The following FIGN variants were observed in gnomAD, a reference collection of about 807,000 sequenced individuals.
FIGN encodes fidgetin, microtubule severing factor.
FIGN carries 11 observed loss-of-function variants against 51.3 expected under a neutral mutation model. That is an observed-to-expected ratio of 0.21 (90% confidence interval 0.13 to 0.35). The LOEUF is 0.35. Among genes scored for constraint, FIGN ranks in the 10% least tolerant of loss-of-function variants. The pLI is 1.00. For synonymous variants in FIGN, 407 were observed against 363.2 expected (o/e 1.12, Z -1.37); for missense variants, 857 against 943.6 (o/e 0.91, Z 1.20).
chr2:163,672,990 T>C (rs1683901911), intron 2 of FIGN, among the ~76,000 whole-genome samples: 1 of 152,200 alleles, frequency 6.6e-6, no homozygotes, highest in Non-Finnish European at 1.5e-5. Flanking sequence ...TTTTACATTA[T>C]TGATGTATCT....
At chr2:163,620,827 G>A (rs530630075) in intron 2 of FIGN, among the ~76,000 whole-genome samples, 2 of 147,246 alleles carry the variant, frequency 1.4e-5, no homozygotes, top group South Asian at 2.2e-4. Context: ...ACCACTAGGT[G>A]CACATATAAC....
intron 2 of FIGN, among the ~76,000 whole-genome samples, chr2:163,708,468 C>T (rs531416682): frequency 2.0e-5 from 3 of 152,172 alleles, no homozygotes; most frequent in South Asian, 2.1e-4. Context: ...AAAGGTGAAC[C>T]GGGCAACTGA....
intron 2 of FIGN, among the ~76,000 whole-genome samples, chr2:163,636,812 A>G (rs1431059520): frequency 6.6e-6 from 1 of 152,060 alleles, no homozygotes. Flanking sequence ...ATAAATATAT[A>G]AATAAAATAA....
At chr2:163,629,296 C>T (rs1683107311) in intron 2 of FIGN, among the ~76,000 whole-genome samples, 1 of 152,132 alleles carries the variant, frequency 6.6e-6, no homozygotes, top group South Asian at 2.1e-4. Context: ...GTAGCACATA[C>T]ATCAGAGAAG....
intron 2 of FIGN, among the ~76,000 whole-genome samples, chr2:163,697,107 T>TTTTTTTTTTTTTTTTTTTTG (rs1341720596): frequency 6.9e-6 from 1 of 145,680 alleles, no homozygotes; most frequent in Non-Finnish European, 1.5e-5. Flanking sequence ...TTTCTTTCTT[T>TTTTTTTTTTTTTTTTTTTTG]TTTTTTTTTT....
Position 163,609,852 on chromosome 2 carries a change from C to T in FIGN, c.1980G>A (p.Gln660=), listed in dbSNP as rs1691194719. ...GCTGTGAGAGCAGTTGTACTATTATCTGGTGCCTCGCTGTGCTGTCAGGAA... is the reference window on the plus strand; with the variant it reads ...GCTGTGAGAGCAGTTGTACTATTATTTGGTGCCTCGCTGTGCTGTCAGGAA... ...IPLPDSTARH[Q]IIVQLLSQHN... The change falls in exon 3 of 3, where the codon CAG becomes CAA. Residue 660 remains glutamine (Q), a synonymous_variant. Coordinates refer to ENST00000333129, the MANE Select transcript of FIGN (RefSeq NM_018086.4). 2 of 1,614,162 alleles carry T rather than the reference C, an allele frequency of 1.2e-6. No individual in the cohort carries two copies. Among genetic ancestry groups the T allele is most frequent in the Non-Finnish European group, 1.7e-6 (2 of 1,180,026 alleles).
chr2:163,682,879 C>T (rs192999520), intron 2 of FIGN, among the ~76,000 whole-genome samples: 63 of 152,300 alleles, frequency 4.1e-4, no homozygotes, highest in Admixed American at 1.6e-3. Flanking sequence ...AGCTATATGA[C>T]TTTGGATGAG....
chr2:163,684,142 T>G (rs1323418182), intron 2 of FIGN, among the ~76,000 whole-genome samples: 1 of 151,456 alleles, frequency 6.6e-6, no homozygotes, highest in Non-Finnish European at 1.5e-5. Context: ...AGGATCATTA[T>G]GATGTTTGTC....
chr2:163,665,753 T>C (rs1489806857), intron 2 of FIGN, among the ~76,000 whole-genome samples: 1 of 152,226 alleles, frequency 6.6e-6, no homozygotes, highest in Non-Finnish European at 1.5e-5. Flanking sequence ...GAGAGGGCTT[T>C]TGACAACAGA....
chr2:163,732,719 G>T (rs1266927613), intron 2 of FIGN, among the ~76,000 whole-genome samples: 1 of 152,128 alleles, frequency 6.6e-6, no homozygotes, highest in Admixed American at 6.5e-5. Context: ...AATCTATACT[G>T]GTCAAAATAT....
chr2:163,672,478 C>T (rs973868980), intron 2 of FIGN, among the ~76,000 whole-genome samples: 1 of 152,078 alleles, frequency 6.6e-6, no homozygotes, highest in Admixed American at 6.6e-5. Flanking sequence ...TCTGTCTCCT[C>T]CAATTAGACT....
rs1329880177 is a variant in FIGN at position 163,603,159 on chromosome 2, G to C, written c.*6393C>G. 1.3e-5 allele frequency: 2 copies of C among 151,956 alleles called. No homozygotes were observed. The highest frequency in any genetic ancestry group is 2.9e-5 in the Non-Finnish European group (2 of 67,954). 9.4% of individuals were successfully genotyped at this position (151,956 alleles called of 1,614,324 possible). ...TCTAAAGCTTGTCATTTTTTTCCAA[G>C]AGAAATGGATTGTTTCATTTTTAAT... is the stretch of plus-strand genomic sequence containing the variant. On this transcript the variant is annotated 3_prime_UTR_variant, in exon 3 of 3. Coordinates refer to ENST00000333129, the MANE Select transcript of FIGN (RefSeq NM_018086.4).
At chr2:163,718,236 T>A (rs1044330186) in intron 2 of FIGN, among the ~76,000 whole-genome samples, 2 of 152,152 alleles carry the variant, frequency 1.3e-5, no homozygotes, top group Non-Finnish European at 2.9e-5. Flanking sequence ...CCAGCTGCCA[T>A]GGAGGGGAAA....
intron 2 of FIGN, among the ~76,000 whole-genome samples, chr2:163,702,255 G>A (rs1054641934): frequency 5.9e-5 from 9 of 151,964 alleles, no homozygotes; most frequent in East Asian, 1.9e-4. Flanking sequence ...ATTAAAACAC[G>A]GCCCCCATGT....
chr2:163,668,316 A>C (rs74683148), intron 2 of FIGN, among the ~76,000 whole-genome samples: 6,781 of 152,266 alleles, frequency 0.045, 181 homozygotes, highest in African/African-American at 0.063. Context: ...GTTCAAACTG[A>C]AGAAGAACCA....
intron 2 of FIGN, among the ~76,000 whole-genome samples, chr2:163,690,070 T>C (rs1399712472): frequency 6.6e-6 from 1 of 152,170 alleles, no homozygotes; most frequent in Non-Finnish European, 1.5e-5. Flanking sequence ...ATTGTTAAGA[T>C]ACATACAACA....
chr2:163,611,905 T>A, intron 2 of FIGN, 99 bp from the exon 3 acceptor site: 1 of 816,204 alleles, frequency 1.2e-6, no homozygotes, highest in Non-Finnish European at 1.9e-6. Flanking sequence ...TATTTTCCAT[T>A]AATGATATGC....
At chr2:163,711,288 C>T (rs1456775825) in intron 2 of FIGN, among the ~76,000 whole-genome samples, 1 of 152,100 alleles carries the variant, frequency 6.6e-6, no homozygotes, top group Non-Finnish European at 1.5e-5. Context: ...ATAAATGGCT[C>T]TTATTGAGTA....
rs548647272 is a variant in FIGN at position 163,684,939 on chromosome 2, ATT to A, written c.25+49962_25+49963del. ...AAGGCGGGAGCCACCATGCCTGGCT[ATT>A]TTTTTTTTTTTTTTTTTGTATTTTT... is the stretch of plus-strand genomic sequence containing the variant. On this transcript the variant is annotated intron_variant, in intron 2 of 2. Coordinates refer to ENST00000333129, the MANE Select transcript of FIGN (RefSeq NM_018086.4). 5.2e-3 allele frequency among the ~76,000 whole-genome samples: 621 copies of A among 119,422 alleles called. 6 individuals are homozygous for A. Among genetic ancestry groups the A allele is most frequent in the African/African-American group, 0.017 (570 of 32,704 alleles). The allele number at this position is 119,422 out of a possible 152,430, so 78.3% of individuals were successfully genotyped here. A position where few individuals can be genotyped will look rare whatever the true frequency, so the allele number is the denominator to read the frequency against.
Sources: allele counts gnomAD v4.1 joint callset (sites outside exome capture counted in the v4.1 genomes callset), GRCh38; gene constraint gnomAD v4.1.1; transcripts MANE v1.5; gene names NCBI Gene and HGNC (gene_info 2026-07-23, HGNC 2026-07-21).